NCOR2: variants seen among roughly 807,000 people sequenced by gnomAD.
The protein encoded by NCOR2 is CTG repeat protein 26.
A neutral mutation model predicts 262.9 loss-of-function variants in NCOR2; 81 were observed. The observed-to-expected ratio is 0.31, with a 90% CI of 0.26 to 0.37. The LOEUF is 0.37. Ranked by LOEUF, NCOR2 falls within the 10% of genes least tolerant of loss-of-function variation. The pLI, the probability that NCOR2 is intolerant of heterozygous loss-of-function variation, is 1.00. For synonymous variants in NCOR2, 1,659 were observed against 1,559.3 expected, an observed-to-expected ratio of 1.06 and a Z score of -1.51; for missense variants, 3,385 against 3,621.4, an observed-to-expected ratio of 0.93 and a Z score of 1.68.
chr12:124,362,204 C>G, exon 22 of NCOR2: 1 of 1,311,020 alleles, frequency 7.6e-7, no homozygotes, highest in Non-Finnish European at 9.7e-7. Flanking sequence ...GCGTCGCTCT[C>G]CGGCTGCAGG....
At chr12:124,499,065 G>A (rs981408013), upstream of NCOR2, among the ~76,000 whole-genome samples, 2 of 152,198 alleles carry the variant, frequency 1.3e-5, no homozygotes, top group Non-Finnish European at 2.9e-5. Flanking sequence ...TAGAGGAGGC[G>A]GGTGTGCAGC....
chr12:124,354,223 G>A (rs548720148), intron 26 of NCOR2, 27 bp from the exon 29 acceptor site: 4 of 1,561,636 alleles, frequency 2.6e-6, no homozygotes, highest in African/African-American at 2.7e-5. Context: ...GTGGGGCTGA[G>A]GGCGTGTCTG....
chr12:124,446,419 G>T (rs187984499), intron 7 of NCOR2, among the ~76,000 whole-genome samples: 1 of 152,024 alleles, frequency 6.6e-6, no homozygotes, highest in Non-Finnish European at 1.5e-5. Context: ...TAATAAAACC[G>T]GAACTCCTTA....
intron 21 of NCOR2, among the ~76,000 whole-genome samples, chr12:124,362,542 C>G (rs2660373): frequency 0.8 from 118,811 of 148,108 alleles, 48,161 homozygotes; most frequent in East Asian, 0.96. Context: ...AGAAAGCCTG[C>G]CCCAGCTGCC....
chr12:124,408,511 G>A (rs2042396172), intron 13 of NCOR2, among the ~76,000 whole-genome samples: 2 of 152,106 alleles, frequency 1.3e-5, no homozygotes, highest in Admixed American at 1.3e-4. Flanking sequence ...CTTTGGGAGG[G>A]CCAGGCAGGA....
chr12:124,554,791 G>A (rs1231262565), intron 1 of NCOR2, among the ~76,000 whole-genome samples: 1 of 152,254 alleles, frequency 6.6e-6, no homozygotes, highest in East Asian at 1.9e-4. Flanking sequence ...GCAGCTTCCT[G>A]CCCGCCGCTA....
At chr12:124,459,026 C>T (rs1394311898) in intron 5 of NCOR2, among the ~76,000 whole-genome samples, 1 of 152,150 alleles carries the variant, frequency 6.6e-6, no homozygotes. Context: ...GGAATAAACC[C>T]AAACAATGGC....
chr12:124,328,894 T>C (rs2034929274), intron 44 of NCOR2: 1 of 258,376 alleles, frequency 3.9e-6, no homozygotes, highest in Non-Finnish European at 7.8e-6. Flanking sequence ...TAGCCAGGGA[T>C]GCTCACACCT....
chr12:124,369,793 G>T (rs776593468), intron 20 of NCOR2, among the ~76,000 whole-genome samples: 12 of 152,098 alleles, frequency 7.9e-5, no homozygotes, highest in Non-Finnish European at 1.3e-4. Context: ...GTGGACGTAC[G>T]CCAGGCCCAG....
chr12:124,465,007 G>A (rs2046348628), intron 5 of NCOR2, among the ~76,000 whole-genome samples: 1 of 152,188 alleles, frequency 6.6e-6, no homozygotes, highest in Non-Finnish European at 1.5e-5. Flanking sequence ...TTCTAGAGGT[G>A]GAGGCATAGC....
Position 124,362,028 on chromosome 12 carries a change from G to A in NCOR2, c.3100+98C>T, listed in dbSNP as rs920193800. ...TTACTTTGCTTTCCCTGCCACTGTGGCCATGGGGTTTGCAGCAGCTGCTCT... is the reference window on the plus strand; with the variant it reads ...TTACTTTGCTTTCCCTGCCACTGTGACCATGGGGTTTGCAGCAGCTGCTCT... On this transcript the variant is annotated intron_variant, in intron 22 of 46. Coordinates refer to ENST00000405201, the Ensembl canonical transcript of NCOR2. 5 of 1,106,670 alleles carry A rather than the reference G, an allele frequency of 4.5e-6. No homozygotes were observed. The African/African-American group carries it at 4.8e-5, about 11-fold the overall frequency. 68.6% of individuals were successfully genotyped at this position (1,106,670 alleles called of 1,614,324 possible). A position where few individuals can be genotyped will look rare whatever the true frequency, so the allele number is the denominator to read the frequency against.
chr12:124,338,335 G>A (rs111766704), intron 37 of NCOR2, among the ~76,000 whole-genome samples: 28,695 of 151,708 alleles, frequency 0.19, 3,215 homozygotes, highest in East Asian at 0.51. Context: ...TGGTGAAACC[G>A]CATTTCTACT....
rs775038171 is a variant in NCOR2 at position 124,354,207 on chromosome 12, C to A, written c.3590-11G>T. The A allele has an allele frequency of 9.5e-6, 15 of 1,585,862 alleles. No homozygotes were observed. In the South Asian group the frequency reaches 1.6e-4, roughly 17 times the overall value. On this transcript the variant is annotated splice_polypyrimidine_tract_variant and intron_variant, in intron 26 of 46. Transcript: ENST00000405201. Reference sequence around the variant, plus strand: ...AGCCCAGAGCTGTCCCTGGAAGACACAAGATGTGGGGCTGAGGGCGTGTCT... The same window carrying A: ...AGCCCAGAGCTGTCCCTGGAAGACAAAAGATGTGGGGCTGAGGGCGTGTCT...
At chr12:124,511,471 G>A (rs1593905875) in intron 1 of NCOR2, among the ~76,000 whole-genome samples, 1 of 152,240 alleles carries the variant, frequency 6.6e-6, no homozygotes, top group African/African-American at 2.4e-5. Context: ...TGGGGGATGA[G>A]TGCAACCCGG....
At chr12:124,349,293 T>C (rs2037223443) in intron 28 of NCOR2, among the ~76,000 whole-genome samples, 1 of 152,060 alleles carries the variant, frequency 6.6e-6, no homozygotes, top group Admixed American at 6.5e-5. Context: ...TCCAGAGCTA[T>C]CAGAAATGAG....
chr12:124,485,905 T>C (rs189446685), intron 2 of NCOR2, among the ~76,000 whole-genome samples: 5 of 152,306 alleles, frequency 3.3e-5, no homozygotes, highest in African/African-American at 1.2e-4. Context: ...GAGCTGGCTC[T>C]GACCCAGCCC....
chr12:124,478,191 T>C (rs938583083), intron 3 of NCOR2, among the ~76,000 whole-genome samples: 10 of 152,262 alleles, frequency 6.6e-5, no homozygotes, highest in African/African-American at 2.4e-4. Flanking sequence ...CTGTGAAAGA[T>C]GGCAGAGCCA....
At chr12:124,417,437 C>A (rs1211504444) in intron 13 of NCOR2, among the ~76,000 whole-genome samples, 1 of 152,182 alleles carries the variant, frequency 6.6e-6, no homozygotes, top group Non-Finnish European at 1.5e-5. Flanking sequence ...GTGGCTCTCA[C>A]ACAGGGGGAG....
intron 33 of NCOR2, among the ~76,000 whole-genome samples, chr12:124,342,324 A>G (rs2135829479): frequency 6.6e-6 from 1 of 152,338 alleles, no homozygotes; most frequent in African/African-American, 2.4e-5. Context: ...ATCCCAATGC[A>G]GATTAACACT....
Sources: gnomAD v4.1 joint callset for allele counts (sites outside exome capture counted in the v4.1 genomes callset) on GRCh38, gnomAD v4.1.1 for gene constraint, MANE v1.5 for transcripts, NCBI Gene and HGNC (gene_info 2026-07-23, HGNC 2026-07-21) for gene names.